Variants in RSBN1L observed in about 807,000 individuals in gnomAD.
The protein encoded by RSBN1L is lysine-specific demethylase RSBN1L.
In RSBN1L, 30 loss-of-function variants were observed where a neutral mutation model predicts 67.7. The observed-to-expected ratio is 0.44, with a 90% CI of 0.33 to 0.60. The LOEUF (loss-of-function observed/expected upper bound fraction) is 0.60, where lower values mean the gene tolerates loss of function less well. RSBN1L is among the 20% of genes least tolerant of loss of function. RSBN1L has a pLI of 0.02. For missense variants in RSBN1L, 992 were observed against 1,031.7 expected (o/e 0.96, Z 0.53); for synonymous variants, 433 against 387.0 (o/e 1.12, Z -1.39).
At position 77,778,774 on chromosome 7, in the gene RSBN1L, C is replaced by CATCT; in HGVS notation, c.2148_2151dup (p.Val718IlefsTer8). On this transcript the variant is annotated frameshift_variant, in exon 8 of 8. Transcript: ENST00000334955. LOFTEE classifies it high-confidence loss of function. ...ACAGGCACATCATCAGATTCCACAT[C>CATCT]ATCTGTTCTTGGACCTCACACTGAC... 5.6e-6 allele frequency: 9 copies of CATCT among 1,614,158 alleles called. No homozygotes were observed. Among genetic ancestry groups the CATCT allele is most frequent in the Non-Finnish European group, 7.6e-6 (9 of 1,180,020 alleles).
At chr7:77,715,988 A>T (rs1791043284) in intron 1 of RSBN1L, among the ~76,000 whole-genome samples, 1 of 152,160 alleles carries the variant, frequency 6.6e-6, no homozygotes, top group Non-Finnish European at 1.5e-5. Flanking sequence ...TATTCTGGGT[A>T]GAACTCCTTT....
rs1350644213 is a variant in RSBN1L, at chr7:77,780,980, T to C, written c.*1812T>C. On this transcript the variant is annotated 3_prime_UTR_variant, in exon 8 of 8. Transcript: ENST00000334955. Reference sequence around the variant, plus strand: ...TGGGCACATACTTTGGTTGATGACTTTCAATTGGGGTTCTTTGTGCTGCCT... The same window carrying C: ...TGGGCACATACTTTGGTTGATGACTCTCAATTGGGGTTCTTTGTGCTGCCT... The C allele has an allele frequency of 6.6e-6, 1 of 152,258 alleles. No individual in the cohort carries two copies. Among genetic ancestry groups the C allele is most frequent in the African/African-American group, 2.4e-5 (1 of 41,466 alleles). 9.4% of individuals were successfully genotyped at this position (152,258 alleles called of 1,614,324 possible). A position where few individuals can be genotyped will look rare whatever the true frequency, so the allele number is the denominator to read the frequency against.
At chr7:77,729,069 G>C (rs1247472199) in intron 1 of RSBN1L, among the ~76,000 whole-genome samples, 2 of 152,138 alleles carry the variant, frequency 1.3e-5, no homozygotes, top group African/African-American at 4.8e-5. Flanking sequence ...CTGTTGAGAA[G>C]TCAGTAGACT....
chr7:77,765,325 G>C (rs924672465), intron 3 of RSBN1L, among the ~76,000 whole-genome samples, 170 bp from the exon 4 acceptor site: 1 of 152,136 alleles, frequency 6.6e-6, no homozygotes, highest in African/African-American at 2.4e-5. Flanking sequence ...ATCTGTTACT[G>C]TTAGTAAAGT....
chr7:77,712,280 A>G (rs1790985228), intron 1 of RSBN1L, among the ~76,000 whole-genome samples: 1 of 151,580 alleles, frequency 6.6e-6, no homozygotes, highest in Admixed American at 6.6e-5. Context: ...TTATATATAC[A>G]TACATGATTT....
At position 77,782,403 on chromosome 7, in the gene RSBN1L, C is replaced by T. The variant is rs1249438052; in HGVS notation, c.*3235C>T. The T allele has an allele frequency of 6.6e-6, 1 of 152,178 alleles. No homozygotes were observed. Among genetic ancestry groups the T allele is most frequent in the Non-Finnish European group, 1.5e-5 (1 of 68,018 alleles). The allele number at this position is 152,178 out of a possible 1,614,324, so 9.4% of individuals were successfully genotyped here. On this transcript the variant is annotated 3_prime_UTR_variant, in exon 8 of 8. Coordinates refer to ENST00000334955, the MANE Select transcript of RSBN1L (RefSeq NM_198467.3). ...CTCAGTGGAATCTGCTACAGTGCTT[C>T]CCCCTCCCTACCCCTCCATTTTGTT... is the stretch of plus-strand genomic sequence containing the variant.
intron 3 of RSBN1L, 63 bp from the exon 4 acceptor site, chr7:77,765,432 A>T: frequency 7.8e-7 from 1 of 1,278,152 alleles, no homozygotes; most frequent in Non-Finnish European, 1.1e-6. Context: ...ACTTTTAATT[A>T]AATCCATATT....
intron 3 of RSBN1L, among the ~76,000 whole-genome samples, chr7:77,759,032 C>CTGA (rs1387354009): frequency 3.3e-5 from 5 of 152,150 alleles, no homozygotes; most frequent in African/African-American, 1.2e-4. Flanking sequence ...AAAGTGTTAA[C>CTGA]TGATGATTAA....
At chr7:77,762,731 A>C (rs933827214) in intron 3 of RSBN1L, among the ~76,000 whole-genome samples, 1 of 152,140 alleles carries the variant, frequency 6.6e-6, no homozygotes, top group Non-Finnish European at 1.5e-5. Context: ...TAAATACATA[A>C]ATTTTACTCT....
intron 3 of RSBN1L, among the ~76,000 whole-genome samples, chr7:77,759,253 A>G (rs1380269817): frequency 1.3e-5 from 2 of 152,140 alleles, no homozygotes; most frequent in Non-Finnish European, 2.9e-5. Flanking sequence ...TGCCTGCCCC[A>G]TGCTCCCCAA....
intron 2 of RSBN1L, among the ~76,000 whole-genome samples, chr7:77,748,840 A>AT (rs1478424590): frequency 6.6e-6 from 1 of 152,056 alleles, no homozygotes; most frequent in African/African-American, 2.4e-5. Flanking sequence ...AACTGTGAGC[A>AT]TTTGCTATAT....
intron 1 of RSBN1L, among the ~76,000 whole-genome samples, chr7:77,705,510 GTTTTTTT>G (rs56187940): frequency 9.0e-6 from 1 of 111,510 alleles, no homozygotes; most frequent in Non-Finnish European, 1.7e-5. Context: ...CATTGTAATG[GTTTTTTT>G]TTTTTTTTTT....
rs906705714 is a variant in RSBN1L, at chr7:77,719,382, A to G, written c.587-17028A>G. Among the ~76,000 whole-genome samples, 4 of 152,352 alleles carry G rather than the reference A, an allele frequency of 2.6e-5. No homozygotes were observed. In the East Asian group the frequency reaches 5.8e-4, roughly 22 times the overall value. ...ACATATGCCCACACATATTGTTATC[A>G]TTAAGAACTATGTATATGATTTACC... On this transcript the variant is annotated intron_variant, in intron 1 of 7. Transcript: ENST00000334955.
chr7:77,773,122 G>T, intron 5 of RSBN1L, 25 bp from the exon 6 acceptor site: 1 of 1,388,736 alleles, frequency 7.2e-7, no homozygotes, highest in South Asian at 1.4e-5. Flanking sequence ...CTATATAAAT[G>T]TAATTTTCTT....
intron 3 of RSBN1L, among the ~76,000 whole-genome samples, 176 bp downstream of exon 3, chr7:77,750,240 TTTCAC>T (rs1398903891): frequency 6.6e-6 from 1 of 151,650 alleles, no homozygotes; most frequent in Admixed American, 6.6e-5. Flanking sequence ...AAAATTCAAT[TTTCAC>T]TTATGTATGT....
chr7:77,735,656 G>A (rs555080588), intron 1 of RSBN1L, among the ~76,000 whole-genome samples: 19 of 152,204 alleles, frequency 1.2e-4, no homozygotes, highest in Middle Eastern at 3.4e-3. Flanking sequence ...GTAATCAGTC[G>A]TAAGCTTTTT....
At chr7:77,743,836 ATT>A (rs201962177) in intron 2 of RSBN1L, among the ~76,000 whole-genome samples, 158 of 151,518 alleles carry the variant, frequency 1.0e-3, no homozygotes, top group Non-Finnish European at 1.8e-3. Context: ...TCTTTCCCTG[ATT>A]TTTTTTGATT....
At chr7:77,744,980 G>T (rs557021564) in intron 2 of RSBN1L, among the ~76,000 whole-genome samples, 2 of 152,260 alleles carry the variant, frequency 1.3e-5, no homozygotes, top group East Asian at 3.9e-4. Context: ...GCTTGACTGA[G>T]GCTGGGCACA....
At chr7:77,746,853 C>T (rs1791490781) in intron 2 of RSBN1L, among the ~76,000 whole-genome samples, 1 of 152,190 alleles carries the variant, frequency 6.6e-6, no homozygotes, top group African/African-American at 2.4e-5. Flanking sequence ...AGTCATTAAA[C>T]CTTAAAGCTC....
Sources: gnomAD v4.1 joint callset for allele counts (sites outside exome capture counted in the v4.1 genomes callset) on GRCh38, gnomAD v4.1.1 for gene constraint, MANE v1.5 for transcripts, NCBI Gene and HGNC (gene_info 2026-07-23, HGNC 2026-07-21) for gene names.